PTPRM: variants seen among roughly 807,000 people sequenced by gnomAD.
PTPRM encodes the protein receptor-type tyrosine-protein phosphatase mu.
A neutral mutation model predicts 186.7 loss-of-function variants in PTPRM; 47 were observed. That is an observed-to-expected ratio of 0.25 (90% CI 0.20 to 0.32). The LOEUF (loss-of-function observed/expected upper bound fraction) is 0.32, where lower values mean the gene tolerates loss of function less well. PTPRM is among the 10% of genes least tolerant of loss of function. The pLI, the probability that PTPRM is intolerant of heterozygous loss-of-function variation, is 1.00. For synonymous variants in PTPRM, 668 were observed against 674.9 expected, an observed-to-expected ratio of 0.99 and a Z score of 0.16; for missense variants, 1,494 against 1,865.0, an observed-to-expected ratio of 0.80 and a Z score of 3.66.
At chr18:7,914,185 G>A (rs2050424459) in intron 4 of PTPRM, among the ~76,000 whole-genome samples, 1 of 152,124 alleles carries the variant, frequency 6.6e-6, no homozygotes, top group South Asian at 2.1e-4. Context: ...CTTTGGTTGA[G>A]AGATGTGTGG....
rs548646595 is a variant in PTPRM, at chr18:8,112,683, A to G, written c.1857-803A>G. On this transcript the variant is annotated intron_variant, in intron 11 of 32. Transcript: ENST00000580170. ...AAATACCTTAATTTTCTAAAAATCT[A>G]TCAGTTCAAGGTTTCTGCCATTCTC... Among the ~76,000 whole-genome samples the G allele has an allele frequency of 1.2e-4, 18 of 152,334 alleles. No individual in the cohort carries two copies. The South Asian group carries it at 3.1e-3, about 26-fold the overall frequency.
chr18:7,741,043 C>G (rs758474857), intron 1 of PTPRM, among the ~76,000 whole-genome samples: 2 of 152,122 alleles, frequency 1.3e-5, no homozygotes, highest in Non-Finnish European at 2.9e-5. Context: ...TTCTTTCCCC[C>G]GTGGTGTGTG....
At chr18:7,680,576 A>G (rs1226128043) in intron 1 of PTPRM, among the ~76,000 whole-genome samples, 1 of 152,158 alleles carries the variant, frequency 6.6e-6, no homozygotes, top group East Asian at 1.9e-4. Flanking sequence ...CACATGCTAC[A>G]ATTGTTGTAT....
chr18:8,185,467 G>T (rs2093630110), intron 14 of PTPRM, among the ~76,000 whole-genome samples: 1 of 152,370 alleles, frequency 6.6e-6, no homozygotes, highest in African/African-American at 2.4e-5. Flanking sequence ...GAGCCAGGCA[G>T]TGTGGTGTTT....
At chr18:7,713,799 A>G (rs903817838) in intron 1 of PTPRM, among the ~76,000 whole-genome samples, 2 of 152,166 alleles carry the variant, frequency 1.3e-5, no homozygotes, top group Admixed American at 6.5e-5. Context: ...ATAATGGTAA[A>G]GGTATCAATG....
At chr18:7,611,377 C>T (rs1463778479) in intron 1 of PTPRM, among the ~76,000 whole-genome samples, 2 of 152,134 alleles carry the variant, frequency 1.3e-5, no homozygotes, top group African/African-American at 4.8e-5. Flanking sequence ...CTGACCCATC[C>T]AGAGCAACTT....
intron 1 of PTPRM, among the ~76,000 whole-genome samples, chr18:7,767,385 T>TA (rs905529790): frequency 5.9e-5 from 9 of 151,864 alleles, no homozygotes; most frequent in East Asian, 1.9e-4. Flanking sequence ...TGAGTCACAA[T>TA]AAAAAAAACA....
At chr18:8,021,422 A>G (rs919586451) in intron 7 of PTPRM, among the ~76,000 whole-genome samples, 1 of 151,988 alleles carries the variant, frequency 6.6e-6, no homozygotes, top group African/African-American at 2.4e-5. Context: ...TTACCTACAT[A>G]TACATGTGCC....
intron 7 of PTPRM, among the ~76,000 whole-genome samples, chr18:7,965,528 G>A (rs941134295): frequency 6.6e-6 from 1 of 152,240 alleles, no homozygotes; most frequent in Admixed American, 6.5e-5. Context: ...TGGTGTGGAT[G>A]TAAGGAATTA....
chr18:7,862,951 T>C (rs1205107281), intron 2 of PTPRM, among the ~76,000 whole-genome samples: 2 of 152,094 alleles, frequency 1.3e-5, no homozygotes, highest in Non-Finnish European at 2.9e-5. Context: ...ACGGACAAAC[T>C]TGTAAAGGGA....
intron 1 of PTPRM, chr18:7,741,256 T>G (rs1205699364): frequency 6.6e-6 from 1 of 152,202 alleles, no homozygotes; most frequent in Non-Finnish European, 1.5e-5. Flanking sequence ...AACATGTTCT[T>G]TCATGTGTTG....
In PTPRM at chr18:7,954,819, TAC is replaced by T. The variant is rs1175971005; in HGVS notation, c.839-300_839-299del. Among the ~76,000 whole-genome samples, 4 of 152,312 alleles carry T rather than the reference TAC, an allele frequency of 2.6e-5. No homozygotes were observed. In the East Asian group the frequency reaches 7.7e-4, roughly 29 times the overall value. ...TGAGAATATTTTCTGTATTCACCAT[TAC>T]AAAAAGTATCAGATATGCTAATTTG... On this transcript the variant is annotated intron_variant, in intron 6 of 32. Coordinates refer to ENST00000580170, the MANE Select transcript of PTPRM (RefSeq NM_001105244.2).
chr18:7,996,000 T>C (rs1042355961), intron 7 of PTPRM, among the ~76,000 whole-genome samples: 1 of 152,132 alleles, frequency 6.6e-6, no homozygotes, highest in African/African-American at 2.4e-5. Flanking sequence ...TCCTTGGTTT[T>C]TCTGGGCTTC....
intron 22 of PTPRM, among the ~76,000 whole-genome samples, chr18:8,323,005 T>G (rs1236187773): frequency 6.6e-6 from 1 of 152,072 alleles, no homozygotes; most frequent in African/African-American, 2.4e-5. Flanking sequence ...TTATTTTTTG[T>G]AGATTTAGGA....
In PTPRM at chr18:7,859,500, GGC is replaced by G. The variant is rs1599108460; in HGVS notation, c.197-28605_197-28604del. On this transcript the variant is annotated intron_variant, in intron 2 of 32. Coordinates refer to ENST00000580170, the MANE Select transcript of PTPRM (RefSeq NM_001105244.2). ...TGATCAAGAACTGGCATTACTGCCT[GGC>G]ACCTGGGGCTTCCATGAGCCTTCTG... Among the ~76,000 whole-genome samples the G allele has an allele frequency of 2.0e-5, 3 of 152,340 alleles. No homozygotes were observed. The East Asian group carries it at 5.8e-4, about 29-fold the overall frequency.
chr18:8,227,506 G>A (rs1347284948), intron 14 of PTPRM, among the ~76,000 whole-genome samples: 1 of 152,176 alleles, frequency 6.6e-6, no homozygotes, highest in Non-Finnish European at 1.5e-5. Flanking sequence ...GGATCACTTG[G>A]ATTTTATGAA....
At chr18:8,315,806 G>A (rs2095305204) in intron 21 of PTPRM, among the ~76,000 whole-genome samples, 1 of 152,200 alleles carries the variant, frequency 6.6e-6, no homozygotes, top group East Asian at 1.9e-4. Context: ...TATCTTTAGT[G>A]CTAATTAGAC....
intron 1 of PTPRM, among the ~76,000 whole-genome samples, chr18:7,576,447 C>T (rs2036688330): frequency 6.6e-6 from 1 of 152,074 alleles, no homozygotes; most frequent in Admixed American, 6.6e-5. Context: ...GGAATTGGAC[C>T]ACACCCTTTG....
At chr18:7,609,704 A>G (rs570109201) in intron 1 of PTPRM, among the ~76,000 whole-genome samples, 4 of 152,066 alleles carry the variant, frequency 2.6e-5, no homozygotes, top group African/African-American at 7.2e-5. Context: ...ATCTACTGCC[A>G]TTGGAGGATC....
Sources: allele counts gnomAD v4.1 joint callset (sites outside exome capture counted in the v4.1 genomes callset), GRCh38; gene constraint gnomAD v4.1.1; transcripts MANE v1.5; gene names NCBI Gene and HGNC (gene_info 2026-07-23, HGNC 2026-07-21).